GRIN1: variants seen among roughly 807,000 people sequenced by gnomAD.
GRIN1 encodes the protein glutamate receptor ionotropic, NMDA 1.
Under a neutral mutation model 103.0 loss-of-function variants are expected in GRIN1, and 38 were observed. That is an observed-to-expected ratio of 0.37 (90% confidence interval 0.28 to 0.48). The LOEUF is 0.48. GRIN1 is among the 20% of genes least tolerant of loss of function. The pLI is 0.98. For missense variants in GRIN1, 577 were observed against 1,288.9 expected, an observed-to-expected ratio of 0.45 and a Z score of 8.46; for synonymous variants, 544 against 532.7, an observed-to-expected ratio of 1.02 and a Z score of -0.29.
chr9:137,159,994 A>G (rs908271446), intron 8 of GRIN1, among the ~76,000 whole-genome samples: 1 of 151,800 alleles, frequency 6.6e-6, no homozygotes, highest in African/African-American at 2.4e-5. Flanking sequence ...CTCTGACACC[A>G]TCTCCCCTCA....
chr9:137,163,458 C>T, intron 16 of GRIN1, 101 bp from the exon 17 acceptor site: 1 of 1,410,004 alleles, frequency 7.1e-7, no homozygotes, highest in Admixed American at 1.7e-5. Context: ...CCACTCCACG[C>T]CGCACCCTAC....
chr9:137,145,646 G>A, intron 2 of GRIN1, 80 bp from the exon 3 acceptor site: 1 of 1,194,224 alleles, frequency 8.4e-7, no homozygotes, highest in Non-Finnish European at 1.2e-6. Context: ...CCTCCGGCGG[G>A]TGTTCCGGCA....
chr9:137,147,841 G>C (rs1403523634), intron 3 of GRIN1, among the ~76,000 whole-genome samples: 3 of 152,364 alleles, frequency 2.0e-5, no homozygotes, highest in African/African-American at 7.2e-5. Context: ...GCACGGCAGG[G>C]TGGGGGCGGC....
In GRIN1 at chr9:137,164,258, T is replaced by C. The variant is rs535070732; in HGVS notation, c.2589+354T>C. ...CTGTGTATGGCACGTGAGTCCAAGA[T>C]GCATTTTGCCCTCCGCCGACCCAAG... On this transcript the variant is annotated intron_variant, in intron 18 of 19. Transcript: ENST00000371561. The C allele has an allele frequency of 5.3e-5, 20 of 379,922 alleles. No individual in the cohort carries two copies. The Admixed American group carries it at 6.8e-4, about 13-fold the overall frequency. The allele number at this position is 379,922 out of a possible 1,614,324, so 23.5% of individuals were successfully genotyped here. A position where few individuals can be genotyped will look rare whatever the true frequency, so the allele number is the denominator to read the frequency against.
Position 137,153,316 on chromosome 9 carries a change from C to T in GRIN1, c.672-3353C>T, listed in dbSNP as rs550572557. ...GTACACACACCATAGTCACACCATG[C>T]ATCATCTCTACCCACACATGCAGAA... is the stretch of plus-strand genomic sequence containing the variant. On this transcript the variant is annotated intron_variant, in intron 4 of 19. Coordinates refer to ENST00000371561, the MANE Select transcript of GRIN1 (RefSeq NM_007327.4). 1.5e-3 allele frequency among the ~76,000 whole-genome samples: 230 copies of T among 150,972 alleles called. 1 individual carries two copies. Among genetic ancestry groups the T allele is most frequent in the African/African-American group, 5.3e-3 (217 of 41,028 alleles).
chr9:137,160,078 T>C (rs12686185), intron 8 of GRIN1, among the ~76,000 whole-genome samples: 1 of 152,134 alleles, frequency 6.6e-6, no homozygotes, highest in Non-Finnish European at 1.5e-5. Context: ...CATGCCATGG[T>C]CCCTTGAAGG....
rs751679885 is a variant in GRIN1, at chr9:137,139,405, A to C, written c.-82A>C. The C allele has an allele frequency of 1.0e-6, 1 of 997,336 alleles. No individual in the cohort carries two copies. The highest frequency in any genetic ancestry group is 3.6e-5 in the East Asian group (1 of 27,936). 61.8% of individuals were successfully genotyped at this position (997,336 alleles called of 1,614,324 possible). On this transcript the variant is annotated 5_prime_UTR_variant, in exon 1 of 20. Transcript: ENST00000371561. This position sits in a 1 kb window ranked among gnomAD's most constrained non-coding sequence, Gnocchi z 7.7. ...GCAGCCCGCGGGGCCGGGCGAGCGC[A>C]GGACGGCCCGGAAGCCCCGCGGGGG...
At chr9:137,157,083 G>T in intron 6 of GRIN1, 46 bp downstream of exon 6, 1 of 1,515,290 alleles carries the variant, frequency 6.6e-7, no homozygotes, top group Non-Finnish European at 9.0e-7. Flanking sequence ...TCTTGGGGAG[G>T]TGGGCGGGGT....
intron 2 of GRIN1, among the ~76,000 whole-genome samples, chr9:137,144,603 C>A (rs558710661): frequency 4.7e-5 from 7 of 148,510 alleles, no homozygotes; most frequent in Non-Finnish European, 1.0e-4. Context: ...TGCAGTGAGC[C>A]GAGATTGCAC....
intron 10 of GRIN1, 24 bp from the exon 11 acceptor site, chr9:137,161,900 C>T (rs201897883): frequency 1.4e-5 from 22 of 1,549,250 alleles, no homozygotes; most frequent in East Asian, 9.8e-5. Flanking sequence ...TGCCTGCATG[C>T]CCGCCGGCTC....
In GRIN1 at chr9:137,142,087, C is replaced by T. The variant is rs76325634; in HGVS notation, c.333C>T (p.Ala111=). The T allele has an allele frequency of 1.4e-5, 22 of 1,614,086 alleles. 1 individual carries two copies. In the South Asian group the frequency reaches 1.4e-4, roughly 10 times the overall value. ...HFTPTPVSYT[A]GFYRIPVLGL... ...CTCCCACCCCTGTCTCCTACACAGC[C>T]GGCTTCTACCGCATACCCGTGCTGG... Residue 111 remains alanine (A), a synonymous_variant, in exon 2 of 20, where the codon GCC becomes GCT. Coordinates refer to ENST00000371561, the MANE Select transcript of GRIN1 (RefSeq NM_007327.4).
Position 137,163,451 on chromosome 9 carries a change from C to G in GRIN1, c.2334-108C>G, listed in dbSNP as rs1588734759. ...TCCCACCCAGGCCGGGCGCTGCCCA[C>G]TCCACGCCGCACCCTACCCCGCAGG... On this transcript the variant is annotated intron_variant, in intron 16 of 19. Transcript: ENST00000371561. The G allele has an allele frequency of 4.2e-6, 6 of 1,422,142 alleles. No individual in the cohort carries two copies. In the East Asian group the frequency reaches 1.4e-4, roughly 33 times the overall value. 88.1% of individuals were successfully genotyped at this position (1,422,142 alleles called of 1,614,324 possible).
Position 137,144,626 on chromosome 9 carries a change from A to T in GRIN1, c.394-1100A>T, listed in dbSNP as rs542779134. ...GCCGAGATTGCACTCCAGCCTGGGT[A>T]ACAGTGCGAGACTGTTTAAAAAAAA... On this transcript the variant is annotated intron_variant, in intron 2 of 19. Transcript: ENST00000371561. Among the ~76,000 whole-genome samples, 3 of 145,626 alleles carry T rather than the reference A, an allele frequency of 2.1e-5. No individual in the cohort carries two copies. In the Admixed American group the frequency reaches 2.1e-4, roughly 10 times the overall value.
At chr9:137,150,566 C>A (rs1223070552) in intron 4 of GRIN1, among the ~76,000 whole-genome samples, 1 of 146,578 alleles carries the variant, frequency 6.8e-6, no homozygotes, top group Non-Finnish European at 1.5e-5. Flanking sequence ...AGAAAAAAGA[C>A]CTGCCCAGGG....
At position 137,156,851 on chromosome 9, in the gene GRIN1, A is replaced by AT. The variant is rs1027314008; in HGVS notation, c.794-11dup. On this transcript the variant is annotated splice_polypyrimidine_tract_variant and intron_variant, in intron 5 of 19. Coordinates refer to ENST00000371561, the MANE Select transcript of GRIN1 (RefSeq NM_007327.4). Reference sequence around the variant, plus strand: ...GAGGACCCCACGGGCTCTGAGTCGCATGCTCGCCTAGGCATCCTCGGGCTG... The same window carrying AT: ...GAGGACCCCACGGGCTCTGAGTCGCATTGCTCGCCTAGGCATCCTCGGGCTG... 6.2e-7 allele frequency: 1 copy of AT among 1,610,088 alleles called. No individual in the cohort carries two copies. Among genetic ancestry groups the AT allele is most frequent in the African/African-American group, 1.3e-5 (1 of 74,880 alleles).
chr9:137,157,106 G>A (rs1833275000), intron 6 of GRIN1, 69 bp downstream of exon 6: 3 of 1,331,868 alleles, frequency 2.3e-6, no homozygotes, highest in East Asian at 2.6e-5. Context: ...CTCCAGAGAT[G>A]GGCGGGGCCG....
At chr9:137,155,432 A>C (rs555989796) in intron 4 of GRIN1, among the ~76,000 whole-genome samples, 1 of 152,334 alleles carries the variant, frequency 6.6e-6, no homozygotes, top group African/African-American at 2.4e-5. Context: ...CGTTATGTAG[A>C]GCAAACACCG....
In GRIN1 at chr9:137,149,089, G is replaced by A. The variant is rs760976580; in HGVS notation, c.651G>A (p.Arg217=). The A allele has an allele frequency of 1.9e-6, 3 of 1,611,284 alleles. No homozygotes were observed. The change falls in exon 4 of 20, where the codon CGG becomes CGA. Residue 217 remains arginine (R), a synonymous_variant. Transcript: ENST00000371561. ...TGGAGGCGAAAGAGCTGGAGGCCCG[G>A]GTCATCATCCTTTCTGCCAGGTGAG... ...LLMEAKELEA[R]VIILSASEDD...
At chr9:137,158,781 G>T in intron 8 of GRIN1, 77 bp downstream of exon 8, 1 of 1,077,824 alleles carries the variant, frequency 9.3e-7, no homozygotes, top group Non-Finnish European at 1.4e-6. Flanking sequence ...AAGGAGGAGG[G>T]TGCGGTGAGG....
Sources: allele counts gnomAD v4.1 joint callset (sites outside exome capture counted in the v4.1 genomes callset), GRCh38; gene constraint gnomAD v4.1.1; non-coding constraint Gnocchi (gnomAD v3.1); transcripts MANE v1.5; gene names NCBI Gene and HGNC (gene_info 2026-07-23, HGNC 2026-07-21).